The following POLR3B variants were observed in gnomAD, a reference collection of about 807,000 sequenced individuals.
POLR3B encodes the protein RNA polymerase III subunit B, also known as DNA-directed RNA polymerase III subunit RPC2.
POLR3B carries 96 observed loss-of-function variants against 147.4 expected under a neutral mutation model. The observed-to-expected ratio is 0.65, with a 90% CI of 0.55 to 0.77. The LOEUF (loss-of-function observed/expected upper bound fraction) is 0.77, where lower values mean the gene tolerates loss of function less well. Ranked by LOEUF, POLR3B falls within the 30% of genes least tolerant of loss-of-function variation. The pLI is 0.00. For missense variants in POLR3B, 1,036 were observed against 1,413.5 expected, an observed-to-expected ratio of 0.73 and a Z score of 4.28; for synonymous variants, 461 against 485.9, an observed-to-expected ratio of 0.95 and a Z score of 0.67.
At chr12:106,482,349 C>T (rs1407430540) in intron 23 of POLR3B, among the ~76,000 whole-genome samples, 1 of 152,046 alleles carries the variant, frequency 6.6e-6, no homozygotes, top group Non-Finnish European at 1.5e-5. Flanking sequence ...AAAGAAATAC[C>T]TCAGACTGGA....
At position 106,358,219 on chromosome 12, in the gene POLR3B, A is replaced by G. The variant is rs570549842; in HGVS notation, c.72+268A>G. The stretch of plus-strand genomic sequence containing the variant: ...GCTCTAGGGTTGGAGCTCTTCCAGC[A>G]TAGGTGTGCGTGGGGAGGACTGACC... On this transcript the variant is annotated intron_variant, in intron 1 of 27. Transcript: ENST00000228347. 45 of 1,401,410 alleles carry G rather than the reference A, an allele frequency of 3.2e-5. 1 individual carries two copies. The East Asian group carries it at 1.0e-3, about 32-fold the overall frequency. 86.8% of individuals were successfully genotyped at this position (1,401,410 alleles called of 1,614,324 possible).
At chr12:106,357,999 A>AGGGGGCGTTGCCCGGAGTGCT in intron 1 of POLR3B, 48 bp downstream of exon 1, 4 of 1,602,294 alleles carry the variant, frequency 2.5e-6, no homozygotes, top group Non-Finnish European at 3.4e-6. Flanking sequence ...ATGCGCCCTG[A>AGGGGGCGTTGCCCGGAGTGCT]GGGGGCGTTG....
At chr12:106,495,675 G>A (rs897179727) in intron 23 of POLR3B, among the ~76,000 whole-genome samples, 2 of 152,092 alleles carry the variant, frequency 1.3e-5, no homozygotes, top group Non-Finnish European at 2.9e-5. Context: ...TAGAACCCAG[G>A]AGATCACGAA....
At position 106,496,111 on chromosome 12, in the gene POLR3B, T is replaced by C; in HGVS notation, c.2770T>C (p.Cys924Arg). 10 of 1,613,396 alleles carry C rather than the reference T, an allele frequency of 6.2e-6. No homozygotes were observed. Among genetic ancestry groups the C allele is most frequent in the Non-Finnish European group, 8.5e-6 (10 of 1,179,282 alleles). The change falls in exon 24 of 28, where the codon TGT (cysteine) becomes CGT (arginine). Residue 924 changes from cysteine to arginine, a missense_variant. Cys to Arg is a radical substitution (Grantham distance 180). This residue lies in a region of POLR3B where 15 missense variants were observed against 38.1 expected (regional missense o/e 0.39). Coordinates refer to ENST00000228347, the MANE Select transcript of POLR3B (RefSeq NM_018082.6). ...CATGCCATTTTGTGATTCTGGCATCTGTCCGGACATCATCATGAACCCACA... is the reference window on the plus strand; with the variant it reads ...CATGCCATTTTGTGATTCTGGCATCCGTCCGGACATCATCATGAACCCACA... The part of the protein sequence containing the change: ...EDMPFCDSGI[C>R]PDIIMNPHGF...
At chr12:106,390,372 T>A (rs2036898681) in intron 9 of POLR3B, among the ~76,000 whole-genome samples, 1 of 152,038 alleles carries the variant, frequency 6.6e-6, no homozygotes, top group African/African-American at 2.4e-5. Flanking sequence ...AATTCTGTTC[T>A]AATATTTGTG....
intron 9 of POLR3B, among the ~76,000 whole-genome samples, chr12:106,391,718 GTATTA>G (rs1347401549): frequency 2.0e-5 from 3 of 152,162 alleles, no homozygotes; most frequent in South Asian, 2.1e-4. Context: ...TGTGTTGTTG[GTATTA>G]TATTAGCACA....
At chr12:106,496,030 T>G in intron 23 of POLR3B, 25 bp from the exon 24 acceptor site, 4 of 1,365,548 alleles carry the variant, frequency 2.9e-6, no homozygotes, top group Non-Finnish European at 4.2e-6. Context: ...TTGCTTTATG[T>G]GGCATGAAAT....
intron 21 of POLR3B, 81 bp from the exon 22 acceptor site, chr12:106,459,170 T>C: frequency 1.2e-6 from 1 of 825,676 alleles, no homozygotes; most frequent in Non-Finnish European, 2.1e-6. Context: ...ACTGCAGGCC[T>C]GTGCATCTTT....
At chr12:106,498,545 G>A (rs1460551556) in intron 25 of POLR3B, among the ~76,000 whole-genome samples, 1 of 150,762 alleles carries the variant, frequency 6.6e-6, no homozygotes, top group African/African-American at 2.4e-5. Flanking sequence ...GTTGTTTTTT[G>A]TTTGGTTTTG....
intron 23 of POLR3B, among the ~76,000 whole-genome samples, chr12:106,470,871 C>T (rs909280250): frequency 1.3e-5 from 2 of 152,064 alleles, no homozygotes; most frequent in African/African-American, 4.8e-5. Context: ...AGGTGTTTGT[C>T]GGCCACTACT....
chr12:106,407,515 A>G (rs966956017), intron 11 of POLR3B, among the ~76,000 whole-genome samples: 2 of 152,176 alleles, frequency 1.3e-5, no homozygotes, highest in Non-Finnish European at 2.9e-5. Flanking sequence ...TCCTGCCGAT[A>G]TTAACATTTG....
chr12:106,411,028 A>G lies in POLR3B; in HGVS notation c.1101+68A>G, dbSNP rs1216927961. ...AAAATTAATTTGGTTTTCATTTCAC[A>G]TAAGAAGAAACATTTGAATGAAATA... is the stretch of plus-strand genomic sequence containing the variant. On this transcript the variant is annotated intron_variant, in intron 12 of 27. Coordinates refer to ENST00000228347, the MANE Select transcript of POLR3B (RefSeq NM_018082.6). 6.2e-6 allele frequency: 9 copies of G among 1,447,678 alleles called. No individual in the cohort carries two copies. The East Asian group carries it at 6.8e-5, about 11-fold the overall frequency. The allele number at this position is 1,447,678 out of a possible 1,614,324, so 89.7% of individuals were successfully genotyped here.
At chr12:106,449,923 CAG>C (rs761160689) in intron 19 of POLR3B, among the ~76,000 whole-genome samples, 43 of 152,134 alleles carry the variant, frequency 2.8e-4, no homozygotes, top group African/African-American at 5.1e-4. Context: ...ATTAAGGAAT[CAG>C]GGGTAGATTT....
At chr12:106,505,032 A>T (rs952033196) in intron 27 of POLR3B, among the ~76,000 whole-genome samples, 7 of 152,160 alleles carry the variant, frequency 4.6e-5, no homozygotes, top group Admixed American at 6.5e-5. Context: ...GATACCCTGC[A>T]TTTGTAGGAT....
chr12:106,451,832 A>G (rs764479806), intron 19 of POLR3B, among the ~76,000 whole-genome samples: 50 of 152,248 alleles, frequency 3.3e-4, no homozygotes, highest in Non-Finnish European at 5.3e-4. Context: ...ACATTTGTTT[A>G]CCTTGTAGTG....
chr12:106,380,364 A>G (rs562329570), intron 9 of POLR3B, among the ~76,000 whole-genome samples: 1 of 150,074 alleles, frequency 6.7e-6, no homozygotes, highest in East Asian at 2.0e-4. Context: ...GCCTGAGCCC[A>G]GGAGTTTGAG....
chr12:106,402,083 C>G (rs1272813399), intron 10 of POLR3B, among the ~76,000 whole-genome samples: 9 of 151,316 alleles, frequency 5.9e-5, no homozygotes, highest in Non-Finnish European at 1.3e-4. Flanking sequence ...AGCCCAAAAT[C>G]TCCTTAAGCT....
intron 23 of POLR3B, among the ~76,000 whole-genome samples, chr12:106,482,186 G>A (rs901729555): frequency 1.3e-5 from 2 of 152,200 alleles, no homozygotes; most frequent in Admixed American, 1.3e-4. Context: ...AGGCATGACA[G>A]TAGTAAAAGT....
In POLR3B at chr12:106,440,903, T is replaced by C. The variant is rs2037642104; in HGVS notation, c.1955+3124T>C. Among the ~76,000 whole-genome samples the C allele has an allele frequency of 2.0e-5, 3 of 152,168 alleles. No homozygotes were observed. The South Asian group carries it at 6.2e-4, about 32-fold the overall frequency. On this transcript the variant is annotated intron_variant, in intron 18 of 27. Coordinates refer to ENST00000228347, the MANE Select transcript of POLR3B (RefSeq NM_018082.6). Reference sequence around the variant, plus strand: ...TCTCAGCGTTACCCAATTACCAAGCTATTCCATACATCAAATTAATTTCAT... The same window carrying C: ...TCTCAGCGTTACCCAATTACCAAGCCATTCCATACATCAAATTAATTTCAT...
Sources: gnomAD v4.1 joint callset for allele counts (sites outside exome capture counted in the v4.1 genomes callset) on GRCh38, gnomAD v4.1.1 for gene constraint, gnomAD v4.1.1 regional missense constraint, MANE v1.5 for transcripts, NCBI Gene and HGNC (gene_info 2026-07-23, HGNC 2026-07-21) for gene names.